The following GPRIN1 variants were observed in gnomAD, a reference collection of about 807,000 sequenced individuals.
GPRIN1 encodes the protein G protein-regulated inducer of neurite outgrowth 1.
Under a neutral mutation model 2.8 loss-of-function variants are expected in GPRIN1, and 4 were observed. The observed-to-expected ratio is 1.45, with a 90% CI of 0.71 to 3.32. The LOEUF (loss-of-function observed/expected upper bound fraction) is 3.32. GPRIN1 is among the 30% of genes most tolerant of loss of function. The probability of loss-of-function intolerance (pLI) is 0.01; values close to 1 mark genes in which losing one functional copy is unlikely to be tolerated. For synonymous variants in GPRIN1, 589 were observed against 589.9 expected, an observed-to-expected ratio of 1.00 and a Z score of 0.02; for missense variants, 1,322 against 1,343.4, an observed-to-expected ratio of 0.98 and a Z score of 0.25.
At position 176,597,702 on chromosome 5, in the gene GPRIN1, G is replaced by T. The variant is rs1162189471; in HGVS notation, c.2133C>A (p.Val711=). 1.3e-6 allele frequency: 2 copies of T among 1,594,374 alleles called. No individual in the cohort carries two copies. Among genetic ancestry groups the T allele is most frequent in the Non-Finnish European group, 1.7e-6 (2 of 1,170,516 alleles). Reference sequence around the variant, plus strand: ...GCTTGGTCTTCTCCAGACTCAGGGGGACCACCTTCCCCAAGGATGGGGACT... The same window carrying T: ...GCTTGGTCTTCTCCAGACTCAGGGGTACCACCTTCCCCAAGGATGGGGACT... ...KTESPSLGKV[V]PLSLEKTKPS... The change falls in exon 2 of 2, where the codon GTC becomes GTA. Residue 711 remains valine, a synonymous_variant. Coordinates refer to ENST00000303991, the MANE Select transcript of GPRIN1 (RefSeq NM_052899.3). The surrounding 1 kb of genome is among the most constrained non-coding windows in gnomAD (Gnocchi z 6.1).
At chr5:176,609,440 T>C (rs1561889632) in intron 1 of GPRIN1, among the ~76,000 whole-genome samples, 3 of 152,122 alleles carry the variant, frequency 2.0e-5, no homozygotes, top group East Asian at 3.9e-4. Flanking sequence ...GTGTGTGCGG[T>C]AGACCTGTGG....
intron 1 of GPRIN1, among the ~76,000 whole-genome samples, chr5:176,603,806 G>A (rs1413544018): frequency 6.6e-6 from 1 of 152,208 alleles, no homozygotes; most frequent in African/African-American, 2.4e-5. Flanking sequence ...GGCGTGAATT[G>A]AGTCCATCTT....
rs1480308014 is a variant in GPRIN1 at position 176,602,095 on chromosome 5, C to T, written c.-43-2218G>A. On this transcript the variant is annotated intron_variant, in intron 1 of 1. Coordinates refer to ENST00000303991, the MANE Select transcript of GPRIN1 (RefSeq NM_052899.3). This position sits in a 1 kb window ranked among gnomAD's most constrained non-coding sequence, Gnocchi z 4.4. ...CTGCTGCTGCTCTCCCTCTCCCTCA[C>T]GCTGCTTCAGCCACGCGGGGTGCCT... 2.6e-5 allele frequency among the ~76,000 whole-genome samples: 4 copies of T among 152,228 alleles called. No individual in the cohort carries two copies. Among genetic ancestry groups the T allele is most frequent in the Admixed American group, 6.5e-5 (1 of 15,292 alleles).
chr5:176,607,504 T>A (rs1759238464), intron 1 of GPRIN1, among the ~76,000 whole-genome samples: 1 of 152,144 alleles, frequency 6.6e-6, no homozygotes, highest in Non-Finnish European at 1.5e-5. Context: ...CCACGACACC[T>A]GGCTAATTTT....
chr5:176,599,199 T>A lies in GPRIN1; in HGVS notation c.636A>T (p.Gly212=). Residue 212 remains glycine, a synonymous_variant, in exon 2 of 2, where the codon GGA becomes GGT. Coordinates refer to ENST00000303991, the MANE Select transcript of GPRIN1 (RefSeq NM_052899.3). ...ACAAAGGATCTACTTTTCCCAGGGA[T>A]CCAAGATCTTCCTTTCTTACAGTCA... ...DPMTVRKEDL[G]SLGKVDPLCS... 6.2e-7 allele frequency: 1 copy of A among 1,613,734 alleles called. No individual in the cohort carries two copies. The highest frequency in any genetic ancestry group is 8.5e-7 in the Non-Finnish European group (1 of 1,179,956).
rs756095865 is a variant in GPRIN1 at position 176,599,595 on chromosome 5, C to G, written c.240G>C (p.Gly80=). ...RHRSPSGAGE[G]ASCSDGPRGS... ...CTCTGGGGCCGTCAGAGCAGGAGGC[C>G]CCTTCCCCAGCCCCACTGGGGCTTC... The change falls in exon 2 of 2, where the codon GGG becomes GGC. Residue 80 remains glycine (G), a synonymous_variant. Transcript: ENST00000303991. 1 of 1,545,296 alleles carries G rather than the reference C, an allele frequency of 6.5e-7. No individual in the cohort carries two copies. Among genetic ancestry groups the G allele is most frequent in the Non-Finnish European group, 8.7e-7 (1 of 1,150,056 alleles).
At position 176,599,192 on chromosome 5, in the gene GPRIN1, C is replaced by T; in HGVS notation, c.643G>A (p.Gly215Arg). 1 of 1,613,850 alleles carries T rather than the reference C, an allele frequency of 6.2e-7. No homozygotes were observed. Among genetic ancestry groups the T allele is most frequent in the Non-Finnish European group, 8.5e-7 (1 of 1,179,952 alleles). The change falls in exon 2 of 2, where the codon GGA becomes AGA. Residue 215 changes from glycine to arginine, a missense_variant. By Grantham distance (125) the Gly-to-Arg change is moderately radical. This residue lies in a region of GPRIN1 where 1,117 missense variants were observed against 1,128.6 expected (regional missense o/e 0.99). Transcript: ENST00000303991. Reference protein sequence around the residue: ...TVRKEDLGSLGKVDPLCSSKT... With the variant: ...TVRKEDLGSLRKVDPLCSSKT... ...CTGGAGCACAAAGGATCTACTTTTC[C>T]CAGGGATCCAAGATCTTCCTTTCTT...
chr5:176,596,856 A>C lies in GPRIN1; in HGVS notation c.2979T>G (p.Ser993Arg). 7.1e-7 allele frequency: 1 copy of C among 1,398,910 alleles called. No homozygotes were observed. The highest frequency in any genetic ancestry group is 9.3e-7 in the Non-Finnish European group (1 of 1,072,234). 86.7% of individuals were successfully genotyped at this position (1,398,910 alleles called of 1,614,324 possible). Residue 993 changes from serine to arginine, a missense_variant, in exon 2 of 2, where the codon AGT (serine) becomes AGG (arginine). Coordinates refer to ENST00000303991, the MANE Select transcript of GPRIN1 (RefSeq NM_052899.3). This position sits in a 1 kb window ranked among gnomAD's most constrained non-coding sequence, Gnocchi z 5.2. ...GCGAGCAGCACCGCGGCCGGCGCACACTCTGCAGCAGCGCGCGGAACAGGC... is the reference window on the plus strand; with the variant it reads ...GCGAGCAGCACCGCGGCCGGCGCACCCTCTGCAGCAGCGCGCGGAACAGGC... ...PPGLFRALLQ[S>R]VRRPRCCSRA... is the part of the protein sequence containing the mutation.
In GPRIN1 at chr5:176,598,938, G is replaced by T. The variant is rs760442933; in HGVS notation, c.897C>A (p.Pro299=). The change falls in exon 2 of 2, where the codon CCC becomes CCA. Residue 299 remains proline (P), a synonymous_variant. Coordinates refer to ENST00000303991, the MANE Select transcript of GPRIN1 (RefSeq NM_052899.3). ...RDPGPSGKAD[P]MPLESMDSAS... is the part of the protein sequence containing the mutation. ...CAGAATCCATGCTTTCCAAGGGCAT[G>T]GGATCTGCCTTTCCCGAGGGCCCAG... 4 of 1,613,994 alleles carry T rather than the reference G, an allele frequency of 2.5e-6. No homozygotes were observed. Among genetic ancestry groups the T allele is most frequent in the Non-Finnish European group, 3.4e-6 (4 of 1,179,914 alleles).
At chr5:176,607,034 T>G (rs1252809091) in intron 1 of GPRIN1, among the ~76,000 whole-genome samples, 1 of 152,190 alleles carries the variant, frequency 6.6e-6, no homozygotes, top group African/African-American at 2.4e-5. Context: ...CCCAGCTTAG[T>G]CATTGACATC....
At position 176,598,991 on chromosome 5, in the gene GPRIN1, C is replaced by G. The variant is rs753482016; in HGVS notation, c.844G>C (p.Asp282His). ...TCTCTCTTTCCCGACAATACAAGAT[C>G]TACCTTTTCTGCAGATGTAGGAGCG... is the stretch of plus-strand genomic sequence containing the variant. ...KVAPTSAEKV[D>H]LVLSGKRDPG... The change falls in exon 2 of 2, where the codon GAT becomes CAT. Residue 282 changes from aspartate to histidine, a missense_variant. Asp to His is a moderately conservative substitution (Grantham distance 81). Around this residue, in one of 3 missense-constraint regions of GPRIN1, gnomAD observed 1,117 missense variants for 1,128.6 expected, o/e 0.99. Transcript: ENST00000303991. 25 of 1,614,110 alleles carry G rather than the reference C, an allele frequency of 1.5e-5. No individual in the cohort carries two copies. In the East Asian group the frequency reaches 5.6e-4, roughly 36 times the overall value.
chr5:176,597,408 G>C lies in GPRIN1; in HGVS notation c.2427C>G (p.Arg809=). 1 of 1,291,286 alleles carries C rather than the reference G, an allele frequency of 7.7e-7. No homozygotes were observed. The highest frequency in any genetic ancestry group is 3.2e-5 in the East Asian group (1 of 31,734). The allele number at this position is 1,291,286 out of a possible 1,614,324, so 80.0% of individuals were successfully genotyped here. A position where few individuals can be genotyped will look rare whatever the true frequency, so the allele number is the denominator to read the frequency against. ...CGCCCGCCTGAGTGCCCGCGTCCTCGCGCGGCGGCGGCGGGGCGCTCGCCT... is the reference window on the plus strand; with the variant it reads ...CGCCCGCCTGAGTGCCCGCGTCCTCCCGCGGCGGCGGCGGGGCGCTCGCCT... ...SWEASAPPPP[R]EDAGTQAGAQ... The change falls in exon 2 of 2, where the codon CGC becomes CGG. Residue 809 remains arginine, a synonymous_variant. Coordinates refer to ENST00000303991, the MANE Select transcript of GPRIN1 (RefSeq NM_052899.3). This position sits in a 1 kb window ranked among gnomAD's most constrained non-coding sequence, Gnocchi z 6.1.
rs370201638 is a variant in GPRIN1, at chr5:176,598,293, C to A, written c.1542G>T (p.Ala514=). The change falls in exon 2 of 2, where the codon GCG becomes GCT. Residue 514 remains alanine (A), a synonymous_variant. Transcript: ENST00000303991. ...GPPSAVKAEP[A]TGGKGDPLSS... is the part of the protein sequence containing the mutation. ...ACAGGGGATCTCCTTTTCCCCCCGT[C>A]GCTGGCTCAGCCTTTACTGCAGATG... The A allele has an allele frequency of 6.2e-7, 1 of 1,613,682 alleles. No homozygotes were observed. The highest frequency in any genetic ancestry group is 1.3e-5 in the African/African-American group (1 of 74,922).
rs766593569 is a variant in GPRIN1, at chr5:176,597,192, G to A, written c.2643C>T (p.Ala881=). 8.3e-6 allele frequency: 11 copies of A among 1,319,640 alleles called. No individual in the cohort carries two copies. The highest frequency in any genetic ancestry group is 1.1e-5 in the Non-Finnish European group (11 of 1,033,850). The allele number at this position is 1,319,640 out of a possible 1,614,324, so 81.7% of individuals were successfully genotyped here. A position where few individuals can be genotyped will look rare whatever the true frequency, so the allele number is the denominator to read the frequency against. Residue 881 remains alanine (A), a synonymous_variant, in exon 2 of 2, where the codon GCC becomes GCT. Coordinates refer to ENST00000303991, the MANE Select transcript of GPRIN1 (RefSeq NM_052899.3). This position sits in a 1 kb window ranked among gnomAD's most constrained non-coding sequence, Gnocchi z 6.1. The stretch of plus-strand genomic sequence containing the variant: ...GCACTTCGGGGAAGGCGGGCGGCGC[G>A]GCGGCTTGAGGTGTCATGGGCCCAG... ...VATGPMTPQA[A]APPAFPEVRV...
In GPRIN1 at chr5:176,597,682, G is replaced by A. The variant is rs1759069947; in HGVS notation, c.2153C>T (p.Thr718Ile). The part of the protein sequence containing the change: ...GKVVPLSLEK[T>I]KPSSSSRQLD... ...CTGCCTGGAGGAGGAGGACGGCTTG[G>A]TCTTCTCCAGACTCAGGGGGACCAC... Residue 718 changes from threonine (T) to isoleucine (I), a missense_variant, in exon 2 of 2, where the codon ACC becomes ATC. Thr to Ile is a moderately conservative substitution (Grantham distance 89). Around this residue, in one of 3 missense-constraint regions of GPRIN1, gnomAD observed 1,117 missense variants for 1,128.6 expected, o/e 0.99. Coordinates refer to ENST00000303991, the MANE Select transcript of GPRIN1 (RefSeq NM_052899.3). This position sits in a 1 kb window ranked among gnomAD's most constrained non-coding sequence, Gnocchi z 6.1. 2 of 1,595,554 alleles carry A rather than the reference G, an allele frequency of 1.3e-6. No homozygotes were observed. The highest frequency in any genetic ancestry group is 2.2e-5 in the South Asian group (2 of 89,686).
chr5:176,600,465 C>T (rs1240434242), intron 1 of GPRIN1, among the ~76,000 whole-genome samples: 1 of 152,198 alleles, frequency 6.6e-6, no homozygotes, highest in African/African-American at 2.4e-5. Context: ...CCCCATGCAA[C>T]ACACTATCCA....
rs755563785 is a variant in GPRIN1, at chr5:176,598,041, T to C, written c.1794A>G (p.Ala598=). ...CCACTTTTCCCTCTGGGATAGCTTC[T>C]GCTTTTCCCAGGGACACGGGATCCA... ...GKVDPVSLGK[A]EAIPEGKVGS... Residue 598 remains alanine (A), a synonymous_variant, in exon 2 of 2, where the codon GCA becomes GCG. Transcript: ENST00000303991. 1 of 1,613,966 alleles carries C rather than the reference T, an allele frequency of 6.2e-7. No individual in the cohort carries two copies. The highest frequency in any genetic ancestry group is 8.5e-7 in the Non-Finnish European group (1 of 1,179,966).
intron 1 of GPRIN1, among the ~76,000 whole-genome samples, chr5:176,606,136 C>T (rs1037341801): frequency 5.3e-5 from 8 of 152,324 alleles, no homozygotes; most frequent in East Asian, 3.9e-4. Flanking sequence ...CTTCAAGCAA[C>T]GCCCTTCTCC....
At position 176,602,674 on chromosome 5, in the gene GPRIN1, A is replaced by G. The variant is rs1759163249; in HGVS notation, c.-43-2797T>C. 6.6e-6 allele frequency among the ~76,000 whole-genome samples: 1 copy of G among 152,212 alleles called. No homozygotes were observed. Among genetic ancestry groups the G allele is most frequent in the African/African-American group, 2.4e-5 (1 of 41,456 alleles). On this transcript the variant is annotated intron_variant, in intron 1 of 1. Coordinates refer to ENST00000303991, the MANE Select transcript of GPRIN1 (RefSeq NM_052899.3). The surrounding 1 kb of genome is among the most constrained non-coding windows in gnomAD (Gnocchi z 4.4). Reference sequence around the variant, plus strand: ...TGAGCCACCAAGCCCACCTCTAAGCATGGTCCTAAAGATAGACCTGGGGTC... The same window carrying G: ...TGAGCCACCAAGCCCACCTCTAAGCGTGGTCCTAAAGATAGACCTGGGGTC...
Sources: gnomAD v4.1 joint callset for allele counts (sites outside exome capture counted in the v4.1 genomes callset) on GRCh38, gnomAD v4.1.1 for gene constraint, gnomAD v4.1.1 regional missense constraint, Gnocchi (gnomAD v3.1) non-coding constraint, MANE v1.5 for transcripts, NCBI Gene and HGNC (gene_info 2026-07-23, HGNC 2026-07-21) for gene names.